Variants in FXR2 observed in about 807,000 individuals in gnomAD.
FXR2 encodes the protein FMR1 autosomal homolog 2.
FXR2 carries 9 observed loss-of-function variants against 87.3 expected under a neutral mutation model. The ratio of observed to expected loss-of-function variants is 0.10; its 90% CI spans 0.06 to 0.18. FXR2 has a LOEUF of 0.18. Ranked by LOEUF, FXR2 falls within the 10% of genes least tolerant of loss-of-function variation. FXR2 has a pLI of 1.00. For missense variants in FXR2, 661 were observed against 893.6 expected, an observed-to-expected ratio of 0.74 and a Z score of 3.32; for synonymous variants, 331 against 328.3, an observed-to-expected ratio of 1.01 and a Z score of -0.09.
Position 7,592,852 on chromosome 17 carries a change from G to C in FXR2, c.1571C>G (p.Thr524Arg). ...PDSNPYSLLD[T>R]SEPEPPVDSE... ...ATCAACCGGGGGCTCTGGTTCAGAC[G>C]TGTCCAATAGGCTGTAGGGATTACT... is the stretch of plus-strand genomic sequence containing the variant. The change falls in exon 14 of 17, where the codon ACG (threonine) becomes AGG (arginine). Residue 524 changes from threonine to arginine, a missense_variant. Physicochemically the swap from Thr to Arg is moderately conservative, Grantham distance 71 (BLOSUM62 -1). This residue lies in a region of FXR2 where 409 missense variants were observed against 432.0 expected (regional missense o/e 0.95). Coordinates refer to ENST00000250113, the MANE Select transcript of FXR2 (RefSeq NM_004860.4). This position sits in a 1 kb window ranked among gnomAD's most constrained non-coding sequence, Gnocchi z 4.8. The C allele has an allele frequency of 1.2e-6, 2 of 1,607,582 alleles. No individual in the cohort carries two copies. Among genetic ancestry groups the C allele is most frequent in the South Asian group, 2.2e-5 (2 of 90,166 alleles).
At position 7,595,735 on chromosome 17, in the gene FXR2, A is replaced by T. The variant is rs115392553; in HGVS notation, c.831+89T>A. The T allele has an allele frequency of 5.6e-3, 5,772 of 1,036,544 alleles. 224 individuals are homozygous for T. In the African/African-American group the frequency reaches 0.078, roughly 14 times the overall value. 64.2% of individuals were successfully genotyped at this position (1,036,544 alleles called of 1,614,324 possible). On this transcript the variant is annotated intron_variant, in intron 8 of 16. Coordinates refer to ENST00000250113, the MANE Select transcript of FXR2 (RefSeq NM_004860.4). The surrounding 1 kb of genome is among the most constrained non-coding windows in gnomAD (Gnocchi z 4.7). Reference sequence around the variant, plus strand: ...GGTGCTGGGATTACAGGTGTGAGCCACTGTGCCCAGTTTGAGGCTTATTTT... The same window carrying T: ...GGTGCTGGGATTACAGGTGTGAGCCTCTGTGCCCAGTTTGAGGCTTATTTT...
At position 7,609,989 on chromosome 17, in the gene FXR2, T is replaced by C. The variant is rs541446844; in HGVS notation, c.82-3840A>G. ...ACATGTATATGTATACATATATATA[T>C]ACATGTATATGTATACATATATATA... On this transcript the variant is annotated intron_variant, in intron 1 of 16. Coordinates refer to ENST00000250113, the MANE Select transcript of FXR2 (RefSeq NM_004860.4). 8.0e-3 allele frequency among the ~76,000 whole-genome samples: 1,141 copies of C among 142,056 alleles called. 53 individuals are homozygous for C. The highest frequency in any genetic ancestry group is 0.026 in the African/African-American group (1,024 of 38,684). 93.2% of individuals were successfully genotyped at this position (142,056 alleles called of 152,430 possible).
chr17:7,598,013 C>T (rs557921745), intron 7 of FXR2, among the ~76,000 whole-genome samples: 4 of 151,166 alleles, frequency 2.6e-5, no homozygotes, highest in South Asian at 2.1e-4. Context: ...TGGTTTTACT[C>T]GTAAAATTTA....
chr17:7,600,126 C>T (rs1421001286), intron 7 of FXR2, among the ~76,000 whole-genome samples: 5 of 151,672 alleles, frequency 3.3e-5, no homozygotes, highest in South Asian at 2.1e-4. Flanking sequence ...CTTGAACTCC[C>T]GACCTCAGGT....
chr17:7,596,243 C>T (rs572979803), intron 7 of FXR2: 22 of 329,932 alleles, frequency 6.7e-5, no homozygotes, highest in Non-Finnish European at 1.0e-4. Flanking sequence ...CTGCAACCTC[C>T]GCCTCTCGAC....
At chr17:7,600,051 C>T (rs548174963) in intron 7 of FXR2, among the ~76,000 whole-genome samples, 1 of 151,350 alleles carries the variant, frequency 6.6e-6, no homozygotes, top group Admixed American at 6.6e-5. Flanking sequence ...GCGCCTGCCA[C>T]CACGCCTGGC....
intron 7 of FXR2, among the ~76,000 whole-genome samples, chr17:7,600,169 G>A (rs1309170987): frequency 6.6e-6 from 1 of 151,774 alleles, no homozygotes; most frequent in South Asian, 2.1e-4. Context: ...AAAGTGCTGG[G>A]ATTACAGACG....
At chr17:7,614,065 A>G (rs1348191106) in intron 1 of FXR2, 2 of 477,188 alleles carry the variant, frequency 4.2e-6, no homozygotes, top group Non-Finnish European at 8.2e-6. Flanking sequence ...AAGAAAGACA[A>G]TTCTCCATGT....
chr17:7,614,656 C>A lies in FXR2; in HGVS notation c.-124G>T, dbSNP rs1434893746. The A allele has an allele frequency of 6.6e-6, 3 of 452,010 alleles. No homozygotes were observed. The highest frequency in any genetic ancestry group is 1.0e-5 in the Non-Finnish European group (3 of 285,752). 28.0% of individuals were successfully genotyped at this position (452,010 alleles called of 1,614,324 possible). On this transcript the variant is annotated 5_prime_UTR_variant, in exon 1 of 17. Coordinates refer to ENST00000250113, the MANE Select transcript of FXR2 (RefSeq NM_004860.4). ...GAGGGGGAGCCGCGGGGGGCGGGAG[C>A]CGGGCCGGCCCCACGGCGGCCCTGC... is the stretch of plus-strand genomic sequence containing the variant.
Position 7,614,437 on chromosome 17 carries a change from G to C in FXR2, c.81+15C>G. ...GGGCTAAGGACCGGCGTCCCCAGTC[G>C]GCGCGCCGTCTCACCTTGTAGAAGG... is the stretch of plus-strand genomic sequence containing the variant. On this transcript the variant is annotated intron_variant, in intron 1 of 16. Coordinates refer to ENST00000250113, the MANE Select transcript of FXR2 (RefSeq NM_004860.4). 6.6e-7 allele frequency: 1 copy of C among 1,522,690 alleles called. No homozygotes were observed. 94.3% of individuals were successfully genotyped at this position (1,522,690 alleles called of 1,614,324 possible). A position where few individuals can be genotyped will look rare whatever the true frequency, so the allele number is the denominator to read the frequency against.
Position 7,592,635 on chromosome 17 carries a change from A to C in FXR2, c.1730-36T>G, listed in dbSNP as rs1307965147. ...GGAAAAAACCAGAGTCACACATCCA[A>C]CCTCCCACCCTCGATTCCTACCCAT... On this transcript the variant is annotated intron_variant, in intron 14 of 16. Coordinates refer to ENST00000250113, the MANE Select transcript of FXR2 (RefSeq NM_004860.4). This position sits in a 1 kb window ranked among gnomAD's most constrained non-coding sequence, Gnocchi z 4.8. 1.4e-5 allele frequency: 22 copies of C among 1,610,582 alleles called. No homozygotes were observed. The highest frequency in any genetic ancestry group is 1.8e-5 in the Non-Finnish European group (21 of 1,178,242).
At chr17:7,596,083 C>G in intron 7 of FXR2, 89 bp from the exon 8 acceptor site, 2 of 982,500 alleles carry the variant, frequency 2.0e-6, no homozygotes, top group Non-Finnish European at 3.2e-6. Context: ...ATAAGGAAAA[C>G]TGTGTGATAT....
chr17:7,611,275 GA>G (rs983118172), intron 1 of FXR2, among the ~76,000 whole-genome samples: 38 of 144,612 alleles, frequency 2.6e-4, no homozygotes, highest in African/African-American at 3.5e-4. Flanking sequence ...AGTCTGACAT[GA>G]AAAAAAAAAG....
chr17:7,611,476 T>C (rs2071864134), intron 1 of FXR2, among the ~76,000 whole-genome samples: 1 of 152,108 alleles, frequency 6.6e-6, no homozygotes, highest in Admixed American at 6.6e-5. Context: ...GAAACCAGCC[T>C]GGCCAACATA....
rs532366400 is a variant in FXR2 at position 7,608,092 on chromosome 17, CTTTTT to C, written c.82-1948_82-1944del. On this transcript the variant is annotated intron_variant, in intron 1 of 16. Coordinates refer to ENST00000250113, the MANE Select transcript of FXR2 (RefSeq NM_004860.4). Reference sequence around the variant, plus strand: ...AGGTATGAACCATCGCACCAGGCCACTTTTTTTTATTTTTAATATATTTTTAAATT... The same window carrying C: ...AGGTATGAACCATCGCACCAGGCCACTTTATTTTTAATATATTTTTAAATT... Among the ~76,000 whole-genome samples, 349 of 151,606 alleles carry C rather than the reference CTTTTT, an allele frequency of 2.3e-3. 2 individuals are homozygous for C. The highest frequency in any genetic ancestry group is 3.8e-3 in the Non-Finnish European group (259 of 67,872).
At position 7,592,636 on chromosome 17, in the gene FXR2, C is replaced by T. The variant is rs770250482; in HGVS notation, c.1730-37G>A. The T allele has an allele frequency of 4.3e-6, 7 of 1,612,314 alleles. No homozygotes were observed. The highest frequency in any genetic ancestry group is 1.1e-5 in the South Asian group (1 of 91,052). ...GAAAAAACCAGAGTCACACATCCAA[C>T]CTCCCACCCTCGATTCCTACCCATC... On this transcript the variant is annotated intron_variant, in intron 14 of 16. Transcript: ENST00000250113. This position sits in a 1 kb window ranked among gnomAD's most constrained non-coding sequence, Gnocchi z 4.8.
At chr17:7,604,815 G>A (rs1000897073) in intron 3 of FXR2, among the ~76,000 whole-genome samples, 1 of 150,216 alleles carries the variant, frequency 6.7e-6, no homozygotes, top group Non-Finnish European at 1.5e-5. Context: ...TCCACTTCCT[G>A]GGTTCAAGCG....
rs1461445364 is a variant in FXR2 at position 7,594,208 on chromosome 17, T to C, written c.1020+30A>G. ...AATCCCATTTACTTCTGGAAACCAA[T>C]CTCTATGCCCACTTGCCCCGTACCC... is the stretch of plus-strand genomic sequence containing the variant. On this transcript the variant is annotated intron_variant, in intron 10 of 16. Transcript: ENST00000250113. This position sits in a 1 kb window ranked among gnomAD's most constrained non-coding sequence, Gnocchi z 5.1. The C allele has an allele frequency of 7.7e-7, 1 of 1,293,660 alleles. No individual in the cohort carries two copies. Among genetic ancestry groups the C allele is most frequent in the Non-Finnish European group, 1.1e-6 (1 of 890,230 alleles). The allele number at this position is 1,293,660 out of a possible 1,614,324, so 80.1% of individuals were successfully genotyped here.
intron 1 of FXR2, among the ~76,000 whole-genome samples, chr17:7,611,188 T>C (rs1287615709): frequency 1.3e-5 from 2 of 152,156 alleles, no homozygotes; most frequent in Non-Finnish European, 1.5e-5. Flanking sequence ...TAAGCCATTT[T>C]GTACGTCTTA....
Sources: gnomAD v4.1 joint callset for allele counts (sites outside exome capture counted in the v4.1 genomes callset) on GRCh38, gnomAD v4.1.1 for gene constraint, gnomAD v4.1.1 regional missense constraint, Gnocchi (gnomAD v3.1) non-coding constraint, MANE v1.5 for transcripts, NCBI Gene and HGNC (gene_info 2026-07-23, HGNC 2026-07-21) for gene names.